SH3BP2: variants seen among roughly 807,000 people sequenced by gnomAD.
SH3BP2 encodes the protein SH3 domain binding protein 2, also known as SH3 domain-binding protein 2.
SH3BP2 carries 38 observed loss-of-function variants against 56.2 expected under a neutral mutation model. The observed-to-expected ratio is 0.68, with a 90% CI of 0.52 to 0.89. SH3BP2 has a LOEUF of 0.89. Among genes scored for constraint, SH3BP2 ranks in the 40% least tolerant of loss-of-function variants. The probability of loss-of-function intolerance (pLI) is 0.00; values close to 1 mark genes in which losing one functional copy is unlikely to be tolerated. For missense variants in SH3BP2, 748 were observed against 762.6 expected (o/e 0.98, Z 0.23); for synonymous variants, 346 against 316.7 (o/e 1.09, Z -0.98).
rs1724501132 is a variant in SH3BP2 at position 2,824,721 on chromosome 4, G to A, written c.348G>A (p.Glu116=). 6.2e-7 allele frequency: 1 copy of A among 1,610,870 alleles called. No homozygotes were observed. The highest frequency in any genetic ancestry group is 1.3e-5 in the African/African-American group (1 of 74,872). ...RTWFFSASSE[E]ERKSWMALLR... is the part of the protein sequence containing the mutation. The stretch of plus-strand genomic sequence containing the variant: ...GGTTCTTCTCGGCCTCCTCCGAGGA[G>A]GAGCGCAAGGTGACTGGGGGTCCGA... The change falls in exon 4 of 13, where the codon GAG becomes GAA. Residue 116 remains glutamate, a synonymous_variant. Coordinates refer to ENST00000503393, the MANE Select transcript of SH3BP2 (RefSeq NM_001122681.2).
Position 2,820,769 on chromosome 4 carries a change from G to A in SH3BP2, c.136+16G>A, listed in dbSNP as rs753745726. ...CTGCTGAAATGTGAGTCCCTGGGGT[G>A]GTAGGGTGCACAGTAGGAGGGCATG... On this transcript the variant is annotated intron_variant, in intron 2 of 12. Transcript: ENST00000503393. 5.6e-6 allele frequency: 9 copies of A among 1,610,634 alleles called. No individual in the cohort carries two copies. The highest frequency in any genetic ancestry group is 7.6e-6 in the Non-Finnish European group (9 of 1,178,234).
chr4:2,826,743 C>T (rs1177819223), intron 5 of SH3BP2: 13 of 365,480 alleles, frequency 3.6e-5, no homozygotes, highest in South Asian at 2.2e-4. Flanking sequence ...TGCATGTCCG[C>T]GTGTTGCTTG....
In SH3BP2 at chr4:2,803,430, C is replaced by T. The variant is rs898694176; in HGVS notation, c.-5+10292C>T. Among the ~76,000 whole-genome samples, 20 of 152,230 alleles carry T rather than the reference C, an allele frequency of 1.3e-4. 1 individual carries two copies. The highest frequency in any genetic ancestry group is 1.2e-3 in the Admixed American group (18 of 15,286). On this transcript the variant is annotated intron_variant, in intron 1 of 12. Transcript: ENST00000503393. ...TAGGGACCCAGTGCTGGGCCAAGTGCCTATGGCAGAGTGCTTGGGAGCTGT... is the reference window on the plus strand; with the variant it reads ...TAGGGACCCAGTGCTGGGCCAAGTGTCTATGGCAGAGTGCTTGGGAGCTGT...
chr4:2,801,795 A>G (rs928712102), intron 1 of SH3BP2, among the ~76,000 whole-genome samples: 1 of 152,254 alleles, frequency 6.6e-6, no homozygotes, highest in Non-Finnish European at 1.5e-5. Flanking sequence ...CCGGGAAAAA[A>G]ACCCATGTTA....
At chr4:2,828,155 G>A (rs1577365394) in intron 7 of SH3BP2, among the ~76,000 whole-genome samples, 2 of 151,876 alleles carry the variant, frequency 1.3e-5, no homozygotes, top group African/African-American at 2.4e-5. Flanking sequence ...ACGGAAGCAC[G>A]AGCTGGGTGG....
chr4:2,825,203 C>A lies in SH3BP2; in HGVS notation c.428+7C>A. On this transcript the variant is annotated splice_region_variant and intron_variant, in intron 5 of 12. Coordinates refer to ENST00000503393, the MANE Select transcript of SH3BP2 (RefSeq NM_001122681.2). ...ACCTGCCCTTGGACACCAGGTGAGC[C>A]CGGGCCCAGGGCATACCGGGCAGTG... is the stretch of plus-strand genomic sequence containing the variant. The A allele has an allele frequency of 6.4e-7, 1 of 1,572,946 alleles. No homozygotes were observed.
chr4:2,827,566 G>C (rs1724738297), intron 6 of SH3BP2, 40 bp from the exon 7 acceptor site: 2 of 1,557,722 alleles, frequency 1.3e-6, no homozygotes, highest in Non-Finnish European at 1.7e-6. Context: ...GACTGGGCCT[G>C]GGCCGGTTTG....
At chr4:2,832,841 G>T in intron 11 of SH3BP2, 149 bp from the exon 12 acceptor site, 1 of 781,594 alleles carries the variant, frequency 1.3e-6, no homozygotes, top group Non-Finnish European at 2.3e-6. Context: ...CGCTGTCCTT[G>T]TGCAGGTGGT....
At chr4:2,796,079 TGGCCCTC>T (rs1723052587) in intron 1 of SH3BP2, among the ~76,000 whole-genome samples, 1 of 152,206 alleles carries the variant, frequency 6.6e-6, no homozygotes, top group Non-Finnish European at 1.5e-5. Flanking sequence ...AGCAAGGGAC[TGGCCCTC>T]AGCCACGGGC....
intron 5 of SH3BP2, among the ~76,000 whole-genome samples, chr4:2,825,784 C>T (rs895897317): frequency 6.6e-6 from 1 of 152,238 alleles, no homozygotes; most frequent in Non-Finnish European, 1.5e-5. Flanking sequence ...TTCCCAGCCC[C>T]CTACGCCCAC....
intron 11 of SH3BP2, among the ~76,000 whole-genome samples, 170 bp from the exon 12 acceptor site, chr4:2,832,820 A>G (rs1053139135): frequency 3.9e-5 from 6 of 152,138 alleles, no homozygotes; most frequent in African/African-American, 1.4e-4. Flanking sequence ...GAGGGCTGCC[A>G]GTGTCGCCCC....
At chr4:2,812,840 G>A (rs1303752752) in intron 1 of SH3BP2, among the ~76,000 whole-genome samples, 1 of 126,628 alleles carries the variant, frequency 7.9e-6, no homozygotes, top group Non-Finnish European at 1.7e-5. Flanking sequence ...TTGGTGTTTG[G>A]GTCCTAAGTA....
At position 2,838,079 on chromosome 4, in the gene SH3BP2, CTG is replaced by C. The variant is rs905191854; in HGVS notation, c.*4246_*4247del. The C allele has an allele frequency of 2.6e-5, 4 of 152,228 alleles. No individual in the cohort carries two copies. The highest frequency in any genetic ancestry group is 5.9e-5 in the Non-Finnish European group (4 of 68,052). The allele number at this position is 152,228 out of a possible 1,614,324, so 9.4% of individuals were successfully genotyped here. On this transcript the variant is annotated 3_prime_UTR_variant, in exon 13 of 13. Transcript: ENST00000503393. ...CGTCTGCTTCTTCCCTGGCCCCACT[CTG>C]AGGGGCTCAGAGCTGAGGCAGAATC...
chr4:2,831,373 G>A lies in SH3BP2; in HGVS notation c.1242-198G>A, dbSNP rs1364376552. Among the ~76,000 whole-genome samples, 2 of 152,134 alleles carry A rather than the reference G, an allele frequency of 1.3e-5. No homozygotes were observed. The highest frequency in any genetic ancestry group is 6.5e-5 in the Admixed American group (1 of 15,282). ...AGCCCTGACCCCTGACTCCGGTGTC[G>A]GGCGATTCCTGCTGTCCCAGGGCAG... is the stretch of plus-strand genomic sequence containing the variant. On this transcript the variant is annotated intron_variant, in intron 8 of 12. Transcript: ENST00000503393. This position sits in a 1 kb window ranked among gnomAD's most constrained non-coding sequence, Gnocchi z 4.1.
chr4:2,799,626 G>A (rs1205292291), intron 1 of SH3BP2, among the ~76,000 whole-genome samples: 1 of 152,212 alleles, frequency 6.6e-6, no homozygotes, highest in Non-Finnish European at 1.5e-5. Context: ...GCATCAAGGG[G>A]ACAGCTATTC....
Position 2,812,215 on chromosome 4 carries a change from G to A in SH3BP2, c.-4-8399G>A, listed in dbSNP as rs915070451. On this transcript the variant is annotated intron_variant, in intron 1 of 12. Transcript: ENST00000503393. ...CACAGGGTAGAAGGCAGGAAGTGCC[G>A]GCTACTTGGTGCTGCCCAGGGAGCA... is the stretch of plus-strand genomic sequence containing the variant. The A allele has an allele frequency of 1.1e-5, 16 of 1,484,928 alleles. No individual in the cohort carries two copies. In the African/African-American group the frequency reaches 1.5e-4, roughly 14 times the overall value. The allele number at this position is 1,484,928 out of a possible 1,614,324, so 92.0% of individuals were successfully genotyped here. A position where few individuals can be genotyped will look rare whatever the true frequency, so the allele number is the denominator to read the frequency against.
chr4:2,826,927 G>A (rs1560108605), intron 5 of SH3BP2: 1 of 583,458 alleles, frequency 1.7e-6, no homozygotes. Flanking sequence ...ATGCCTGTGT[G>A]CCTGTGTTCC....
At chr4:2,820,792 A>C in intron 2 of SH3BP2, 39 bp downstream of exon 2, 1 of 1,591,664 alleles carries the variant, frequency 6.3e-7, no homozygotes, top group Non-Finnish European at 8.6e-7. Flanking sequence ...GTAGGAGGGC[A>C]TGGGGGCAGG....
intron 4 of SH3BP2, 50 bp downstream of exon 4, chr4:2,824,780 G>C: frequency 7.2e-7 from 1 of 1,387,692 alleles, no homozygotes. Flanking sequence ...GTGTGGGCCT[G>C]CAGGCACCAG....
Sources: gnomAD v4.1 joint callset for allele counts (sites outside exome capture counted in the v4.1 genomes callset) on GRCh38, gnomAD v4.1.1 for gene constraint, Gnocchi (gnomAD v3.1) non-coding constraint, MANE v1.5 for transcripts, NCBI Gene and HGNC (gene_info 2026-07-23, HGNC 2026-07-21) for gene names.